Variants in SLIT3 observed in about 807,000 individuals in gnomAD.
The protein encoded by SLIT3 is slit guidance ligand 3.
A neutral mutation model predicts 184.0 loss-of-function variants in SLIT3; 68 were observed. That is an observed-to-expected ratio of 0.37 (90% confidence interval 0.30 to 0.45). The LOEUF (loss-of-function observed/expected upper bound fraction) is 0.45, where lower values mean the gene tolerates loss of function less well. SLIT3 is among the 20% of genes least tolerant of loss of function. The pLI is 1.00. For missense variants in SLIT3, 1,707 were observed against 2,026.0 expected (o/e 0.84, Z 3.02); for synonymous variants, 831 against 828.6 (o/e 1.00, Z -0.05).
chr5:168,830,101 G>T (rs1350535987), intron 6 of SLIT3, among the ~76,000 whole-genome samples: 1 of 152,190 alleles, frequency 6.6e-6, no homozygotes, highest in African/African-American at 2.4e-5. Context: ...CAGGTCCTAA[G>T]AGTGATCGTT....
chr5:168,692,589 C>G lies in SLIT3; in HGVS notation c.3176+18G>C, dbSNP rs1396694672. ...GTTTTCATGGACTCTGTGCTGGGGG[C>G]ACGAAGCCAGGTCTTACCTGAATCC... On this transcript the variant is annotated intron_variant, in intron 29 of 35. Coordinates refer to ENST00000519560, the MANE Select transcript of SLIT3 (RefSeq NM_003062.4). 4.4e-6 allele frequency: 7 copies of G among 1,590,438 alleles called. No individual in the cohort carries two copies. In the East Asian group the frequency reaches 1.6e-4, roughly 36 times the overall value.
chr5:168,836,144 C>A (rs1046210002), intron 6 of SLIT3, among the ~76,000 whole-genome samples: 1 of 152,130 alleles, frequency 6.6e-6, no homozygotes, highest in African/African-American at 2.4e-5. Flanking sequence ...ACTTTCAAGA[C>A]TCAGGTCTAT....
intron 4 of SLIT3, among the ~76,000 whole-genome samples, chr5:169,060,285 G>A (rs1201004705): frequency 6.6e-6 from 1 of 152,156 alleles, no homozygotes; most frequent in Non-Finnish European, 1.5e-5. Flanking sequence ...CCAGCTACTT[G>A]GGAGGCTGAG....
At chr5:168,928,667 C>T (rs1012176789) in intron 4 of SLIT3, among the ~76,000 whole-genome samples, 1 of 152,216 alleles carries the variant, frequency 6.6e-6, no homozygotes, top group African/African-American at 2.4e-5. Context: ...TAACATTCTA[C>T]AGTCTTTTTT....
intron 35 of SLIT3, among the ~76,000 whole-genome samples, chr5:168,669,523 T>G (rs1761164531): frequency 6.6e-6 from 1 of 152,162 alleles, no homozygotes; most frequent in African/African-American, 2.4e-5. Context: ...ACAGGAACAA[T>G]GTAGGCTAAA....
chr5:168,678,011 G>C (rs1365418488), intron 32 of SLIT3, among the ~76,000 whole-genome samples: 1 of 152,100 alleles, frequency 6.6e-6, no homozygotes, highest in Non-Finnish European at 1.5e-5. Context: ...TCTGAGGAGG[G>C]GACTCTTGTG....
intron 3 of SLIT3, among the ~76,000 whole-genome samples, chr5:169,217,402 G>C (rs547737528): frequency 2.6e-5 from 4 of 152,272 alleles, no homozygotes; most frequent in Admixed American, 2.0e-4. Context: ...GCTGAAGTAC[G>C]TGGCAATCCC....
chr5:169,286,704 G>A lies in SLIT3; in HGVS notation c.197+13809C>T, dbSNP rs79678449. Among the ~76,000 whole-genome samples the A allele has an allele frequency of 9.7e-3, 1,473 of 152,236 alleles. 19 individuals are homozygous for A. The highest frequency in any genetic ancestry group is 0.034 in the African/African-American group (1,399 of 41,554). On this transcript the variant is annotated intron_variant, in intron 1 of 35. Coordinates refer to ENST00000519560, the MANE Select transcript of SLIT3 (RefSeq NM_003062.4). ...CAGTTGCTAAAAATTCCCCAGAGCC[G>A]CCTCCCTCGGCCCTCCTCTCGACAA...
intron 1 of SLIT3, among the ~76,000 whole-genome samples, chr5:169,292,813 C>A (rs1025669812): frequency 2.6e-5 from 4 of 152,146 alleles, no homozygotes; most frequent in Non-Finnish European, 5.9e-5. Flanking sequence ...CACTTAGACT[C>A]CAAAAAGTCA....
intron 32 of SLIT3, among the ~76,000 whole-genome samples, chr5:168,682,832 T>A (rs1424711097): frequency 6.6e-6 from 1 of 152,176 alleles, no homozygotes. Flanking sequence ...TTTTGTACTG[T>A]GGTTTCCCTA....
intron 12 of SLIT3, among the ~76,000 whole-genome samples, chr5:168,777,090 CA>C (rs1755782577): frequency 2.5e-5 from 2 of 80,038 alleles, no homozygotes; most frequent in Admixed American, 1.5e-4. Context: ...CACACACACA[CA>C]CACACACACA....
intron 4 of SLIT3, among the ~76,000 whole-genome samples, chr5:168,980,737 T>C (rs542212120): frequency 6.6e-6 from 1 of 152,336 alleles, no homozygotes; most frequent in East Asian, 1.9e-4. Context: ...ACACTATTGA[T>C]AACAGCAGAA....
At chr5:169,221,268 T>G (rs919924395) in intron 3 of SLIT3, among the ~76,000 whole-genome samples, 1 of 152,238 alleles carries the variant, frequency 6.6e-6, no homozygotes, top group African/African-American at 2.4e-5. Context: ...GAAAATCTCA[T>G]GATTCCATTA....
chr5:169,061,533 C>T (rs1459863854), intron 4 of SLIT3, among the ~76,000 whole-genome samples: 1 of 152,230 alleles, frequency 6.6e-6, no homozygotes, highest in Non-Finnish European at 1.5e-5. Context: ...TCACCCAAGG[C>T]GAGGACTGGT....
At chr5:169,170,835 G>GGA (rs1016100764) in intron 4 of SLIT3, among the ~76,000 whole-genome samples, 1 of 152,134 alleles carries the variant, frequency 6.6e-6, no homozygotes, top group African/African-American at 2.4e-5. Context: ...TTCAAAAAAG[G>GGA]GAGAACAAGG....
chr5:168,928,929 G>A lies in SLIT3; in HGVS notation c.414-45593C>T, dbSNP rs115738322. On this transcript the variant is annotated intron_variant, in intron 4 of 35. Transcript: ENST00000519560. ...GGCTAGTCTGCCTCTGCCTCTTGGC[G>A]TAAGACTCTTCCCATTAGGTTATAT... 3.1e-3 allele frequency among the ~76,000 whole-genome samples: 471 copies of A among 152,272 alleles called. 1 individual carries two copies. The highest frequency in any genetic ancestry group is 0.01 in the African/African-American group (424 of 41,550).
intron 4 of SLIT3, among the ~76,000 whole-genome samples, chr5:168,886,329 A>G (rs1760209296): frequency 6.6e-6 from 1 of 151,956 alleles, no homozygotes; most frequent in South Asian, 2.1e-4. Context: ...TGGGCGCTTC[A>G]TTTTCGGTAA....
At chr5:168,792,356 A>T (rs1756408052) in intron 10 of SLIT3, 1 of 152,272 alleles carries the variant, frequency 6.6e-6, no homozygotes, top group African/African-American at 2.4e-5. Flanking sequence ...TCTGATTTGT[A>T]GGCTGGGGGT....
intron 4 of SLIT3, among the ~76,000 whole-genome samples, chr5:169,066,942 G>GAAA (rs60977256): frequency 2.6e-4 from 21 of 80,434 alleles, no homozygotes; most frequent in Middle Eastern, 7.4e-3. Context: ...TCCCTTTCCT[G>GAAA]AAAAAAAAAA....
Sources: gnomAD v4.1 joint callset for allele counts (sites outside exome capture counted in the v4.1 genomes callset) on GRCh38, gnomAD v4.1.1 for gene constraint, MANE v1.5 for transcripts, NCBI Gene and HGNC (gene_info 2026-07-23, HGNC 2026-07-21) for gene names.